TMEM132D: variants seen among roughly 807,000 people sequenced by gnomAD.
The protein encoded by TMEM132D is mature OL transmembrane protein.
A neutral mutation model predicts 62.3 loss-of-function variants in TMEM132D; 21 were observed. The ratio of observed to expected loss-of-function variants is 0.34; its 90% CI spans 0.24 to 0.49. The LOEUF is 0.49. TMEM132D is among the 20% of genes least tolerant of loss of function. TMEM132D has a pLI of 0.99. For synonymous variants in TMEM132D, 621 were observed against 575.6 expected, an observed-to-expected ratio of 1.08 and a Z score of -1.13; for missense variants, 1,346 against 1,402.8, an observed-to-expected ratio of 0.96 and a Z score of 0.65.
chr12:129,308,692 G>T (rs1881899659), intron 4 of TMEM132D, among the ~76,000 whole-genome samples: 1 of 152,138 alleles, frequency 6.6e-6, no homozygotes, highest in African/African-American at 2.4e-5. Flanking sequence ...ACAATAAATA[G>T]CACATACCAC....
At chr12:129,248,550 CACTT>C (rs1880183352) in intron 4 of TMEM132D, among the ~76,000 whole-genome samples, 1 of 150,760 alleles carries the variant, frequency 6.6e-6, no homozygotes, top group Non-Finnish European at 1.5e-5. Context: ...TTAGAGTACT[CACTT>C]AAAATTTTTT....
chr12:129,302,336 A>C (rs1881738548), intron 4 of TMEM132D, among the ~76,000 whole-genome samples: 1 of 152,186 alleles, frequency 6.6e-6, no homozygotes, highest in South Asian at 2.1e-4. Flanking sequence ...GCTGGTCTTG[A>C]ACTCCTGACC....
chr12:129,843,408 C>T (rs754352383), intron 1 of TMEM132D, among the ~76,000 whole-genome samples: 4 of 152,018 alleles, frequency 2.6e-5, no homozygotes, highest in Non-Finnish European at 5.9e-5. Flanking sequence ...CGATTCCACC[C>T]CATAAGTGAT....
chr12:129,778,162 TAAC>T (rs1418210110), intron 1 of TMEM132D, among the ~76,000 whole-genome samples: 1 of 142,892 alleles, frequency 7.0e-6, no homozygotes, highest in Non-Finnish European at 1.5e-5. Context: ...ATATAATTTT[TAAC>T]AATCTAAGAA....
At chr12:129,847,170 C>T (rs1873389434) in intron 1 of TMEM132D, among the ~76,000 whole-genome samples, 1 of 152,170 alleles carries the variant, frequency 6.6e-6, no homozygotes, top group Non-Finnish European at 1.5e-5. Context: ...CACTTGTGTT[C>T]CTGGCTTCTG....
At chr12:129,652,280 G>A (rs1879948652) in intron 2 of TMEM132D, among the ~76,000 whole-genome samples, 1 of 152,160 alleles carries the variant, frequency 6.6e-6, no homozygotes, top group Admixed American at 6.5e-5. Flanking sequence ...ACTAAGAATT[G>A]TTGATGTAGA....
At chr12:129,251,051 C>T (rs964889709) in intron 4 of TMEM132D, among the ~76,000 whole-genome samples, 1 of 152,060 alleles carries the variant, frequency 6.6e-6, no homozygotes, top group Non-Finnish European at 1.5e-5. Flanking sequence ...AATTTGGAAA[C>T]ACTGAGCAAG....
At chr12:129,359,926 C>T (rs1296198915) in intron 3 of TMEM132D, among the ~76,000 whole-genome samples, 1 of 143,300 alleles carries the variant, frequency 7.0e-6, no homozygotes, top group East Asian at 2.0e-4. Context: ...ATAATAAGCA[C>T]AAAATAATCT....
intron 3 of TMEM132D, among the ~76,000 whole-genome samples, chr12:129,459,590 C>A (rs1203534694): frequency 6.6e-6 from 1 of 152,106 alleles, no homozygotes; most frequent in African/African-American, 2.4e-5. Flanking sequence ...AGGAGCAAGG[C>A]TCTGTGTTCA....
chr12:129,160,942 GT>G (rs1187828437), intron 5 of TMEM132D, among the ~76,000 whole-genome samples: 10 of 152,278 alleles, frequency 6.6e-5, no homozygotes, highest in African/African-American at 2.4e-4. Flanking sequence ...GATGAACTGA[GT>G]TGAGATGCGG....
At chr12:129,275,624 G>A (rs1199289895) in intron 4 of TMEM132D, among the ~76,000 whole-genome samples, 1 of 152,152 alleles carries the variant, frequency 6.6e-6, no homozygotes. Flanking sequence ...AGGGGATGCT[G>A]GAATAAGGAG....
At chr12:129,302,164 G>T (rs1037247719) in intron 4 of TMEM132D, among the ~76,000 whole-genome samples, 4 of 152,190 alleles carry the variant, frequency 2.6e-5, no homozygotes, top group Non-Finnish European at 5.9e-5. Flanking sequence ...TGCCAGGCTG[G>T]CGTGCAATGG....
At chr12:129,293,786 C>A (rs998346329) in intron 4 of TMEM132D, among the ~76,000 whole-genome samples, 1 of 152,116 alleles carries the variant, frequency 6.6e-6, no homozygotes, top group Non-Finnish European at 1.5e-5. Context: ...GGTAGTAATG[C>A]GAGCCATGGG....
chr12:129,285,501 TGG>T (rs1881267566), intron 4 of TMEM132D, among the ~76,000 whole-genome samples: 1 of 111,302 alleles, frequency 9.0e-6, no homozygotes, highest in South Asian at 3.2e-4. Context: ...CACTGCAGCC[TGG>T]GTGACAGAGT....
At chr12:129,103,949 G>C (rs1008671581) in intron 5 of TMEM132D, among the ~76,000 whole-genome samples, 3 of 152,140 alleles carry the variant, frequency 2.0e-5, no homozygotes, top group African/African-American at 7.2e-5. Flanking sequence ...TCAATATCTT[G>C]AAAATGGCCA....
At chr12:129,254,089 C>A (rs1435787309) in intron 4 of TMEM132D, among the ~76,000 whole-genome samples, 2 of 152,080 alleles carry the variant, frequency 1.3e-5, no homozygotes, top group African/African-American at 4.8e-5. Flanking sequence ...AGATGCAGGG[C>A]CCAAGATGCC....
intron 4 of TMEM132D, among the ~76,000 whole-genome samples, chr12:129,261,779 A>G (rs773845548): frequency 1.3e-5 from 2 of 152,146 alleles, no homozygotes; most frequent in African/African-American, 4.8e-5. Flanking sequence ...GACACCAAGC[A>G]TATTGGATTA....
At chr12:129,192,755 A>C (rs1353277577) in intron 5 of TMEM132D, among the ~76,000 whole-genome samples, 1 of 152,156 alleles carries the variant, frequency 6.6e-6, no homozygotes. Flanking sequence ...TGTGTTGCAC[A>C]CTCAGATACA....
At chr12:129,270,957 G>A (rs895908627) in intron 4 of TMEM132D, among the ~76,000 whole-genome samples, 1 of 152,186 alleles carries the variant, frequency 6.6e-6, no homozygotes, top group Non-Finnish European at 1.5e-5. Flanking sequence ...TTTCTGATGG[G>A]CAGGAATGTT....
Sources: gnomAD v4.1 joint callset for allele counts (sites outside exome capture counted in the v4.1 genomes callset) on GRCh38, gnomAD v4.1.1 for gene constraint, MANE v1.5 for transcripts, NCBI Gene and HGNC (gene_info 2026-07-23, HGNC 2026-07-21) for gene names.